The following PSTPIP1 variants were observed in gnomAD, a reference collection of about 807,000 sequenced individuals.
The protein encoded by PSTPIP1 is proline-serine-threonine phosphatase-interacting protein 1.
In PSTPIP1, 66 loss-of-function variants were observed where a neutral mutation model predicts 69.6. The observed-to-expected ratio is 0.95, with a 90% CI of 0.78 to 1.16. The LOEUF (loss-of-function observed/expected upper bound fraction) is 1.16. Among genes scored for constraint, PSTPIP1 ranks in the 50% most tolerant of loss-of-function variants. The pLI, the probability that PSTPIP1 is intolerant of heterozygous loss-of-function variation, is 0.00. For missense variants in PSTPIP1, 603 were observed against 557.4 expected, an observed-to-expected ratio of 1.08 and a Z score of -0.82; for synonymous variants, 266 against 222.7, an observed-to-expected ratio of 1.19 and a Z score of -1.73.
chr15:77,000,978 T>A (rs946235393), intron 1 of PSTPIP1, among the ~76,000 whole-genome samples: 1 of 152,160 alleles, frequency 6.6e-6, no homozygotes. Context: ...CACCCTCCCC[T>A]TTTTTTAGCG....
intron 6 of PSTPIP1, among the ~76,000 whole-genome samples, chr15:77,028,132 G>T (rs2076327521): frequency 6.6e-6 from 1 of 152,162 alleles, no homozygotes; most frequent in Admixed American, 6.5e-5. Context: ...TCCCTTGTGG[G>T]GCTCGTGAAT....
intron 1 of PSTPIP1, among the ~76,000 whole-genome samples, chr15:77,012,223 GTCCA>G (rs1481402301): frequency 8.8e-6 from 1 of 113,142 alleles, no homozygotes; most frequent in Non-Finnish European, 1.7e-5. Flanking sequence ...CCACCCATCT[GTCCA>G]TCCATCCATC....
intron 1 of PSTPIP1, among the ~76,000 whole-genome samples, chr15:77,015,099 G>A (rs1455731188): frequency 6.6e-6 from 1 of 152,196 alleles, no homozygotes; most frequent in African/African-American, 2.4e-5. Flanking sequence ...TGGGCCCCAG[G>A]CTAGCCTCTG....
intron 14 of PSTPIP1, 150 bp downstream of exon 14, chr15:77,036,085 AGT>A (rs2076565173): frequency 1.8e-6 from 2 of 1,112,686 alleles, no homozygotes; most frequent in Admixed American, 2.9e-5. Flanking sequence ...CGTGTGCCCG[AGT>A]GTGTCCACAC....
chr15:77,036,725 G>A (rs1432841474), intron 14 of PSTPIP1, among the ~76,000 whole-genome samples: 2 of 152,112 alleles, frequency 1.3e-5, no homozygotes, highest in African/African-American at 4.8e-5. Flanking sequence ...GGTAAGCTTA[G>A]GCATGAGTGT....
chr15:77,028,623 G>T lies in PSTPIP1; in HGVS notation c.487G>T (p.Ala163Ser). Residue 163 changes from alanine to serine, a missense_variant, in exon 7 of 15, where the codon GCC becomes TCC. Transcript: ENST00000558012. ...DAEQAFERIS[A>S]NGHQKQVEKS... is the part of the protein sequence containing the mutation. ...GGAGCAGGCCTTCGAGCGCATTAGC[G>T]CCAACGGCCACCAGAAGCAGGTGGA... The T allele has an allele frequency of 1.3e-6, 2 of 1,586,974 alleles. No individual in the cohort carries two copies. Among genetic ancestry groups the T allele is most frequent in the Non-Finnish European group, 1.7e-6 (2 of 1,167,984 alleles).
intron 10 of PSTPIP1, 56 bp downstream of exon 10, chr15:77,031,334 G>A: frequency 6.4e-7 from 1 of 1,556,514 alleles, no homozygotes; most frequent in Non-Finnish European, 8.8e-7. Context: ...AGGCAGCAAA[G>A]CACCCAGGTC....
chr15:77,012,210 C>T (rs561673184), intron 1 of PSTPIP1, among the ~76,000 whole-genome samples: 6 of 144,884 alleles, frequency 4.1e-5, no homozygotes, highest in Admixed American at 2.8e-4. Context: ...TCCATCCATC[C>T]GTCCACCCAT....
chr15:77,025,144 G>T (rs570320785), intron 3 of PSTPIP1, 140 bp from the exon 4 acceptor site: 2 of 904,344 alleles, frequency 2.2e-6, no homozygotes, highest in African/African-American at 1.7e-5. Flanking sequence ...TGGCTAAAGG[G>T]TCCCTTGGTT....
chr15:77,013,339 C>A (rs374319691), intron 1 of PSTPIP1, among the ~76,000 whole-genome samples: 1 of 152,206 alleles, frequency 6.6e-6, no homozygotes, highest in Non-Finnish European at 1.5e-5. Context: ...GAAAAGAGAA[C>A]AGGGTCAGTT....
rs71931532 is a variant in PSTPIP1 at position 77,000,454 on chromosome 15, AAG to A, written c.36+4851_36+4852del. Among the ~76,000 whole-genome samples, 870 of 87,240 alleles carry A rather than the reference AAG, an allele frequency of 1.0e-2. 12 individuals are homozygous for A. The highest frequency in any genetic ancestry group is 0.027 in the East Asian group (60 of 2,212). The allele number at this position is 87,240 out of a possible 152,430, so 57.2% of individuals were successfully genotyped here. On this transcript the variant is annotated intron_variant, in intron 1 of 14. Transcript: ENST00000558012. ...GCACCTGTTCCATCCTGGGCATTTA[AAG>A]AGAGATATATATATATATATACACA...
intron 1 of PSTPIP1, among the ~76,000 whole-genome samples, chr15:77,016,814 AG>A (rs2076060875): frequency 6.6e-6 from 1 of 152,188 alleles, no homozygotes; most frequent in African/African-American, 2.4e-5. Flanking sequence ...CTTCCTGCAG[AG>A]AGCTCTCCTG....
chr15:77,024,295 C>G (rs1441551640), intron 3 of PSTPIP1: 6 of 152,362 alleles, frequency 3.9e-5, no homozygotes, highest in African/African-American at 1.4e-4. Context: ...CTGGCCCCCA[C>G]CGATCTCCCC....
chr15:77,037,197 CG>C lies in PSTPIP1; in HGVS notation c.*23del, dbSNP rs2076602536. On this transcript the variant is annotated 3_prime_UTR_variant, in exon 15 of 15. Coordinates refer to ENST00000558012, the MANE Select transcript of PSTPIP1 (RefSeq NM_003978.5). ...TTTGAGGAAGGGCCAGGAGCCCCTTCGGACCTGCCCTGCCAGTGGAGCCAGC... is the reference window on the plus strand; with the variant it reads ...TTTGAGGAAGGGCCAGGAGCCCCTTCGACCTGCCCTGCCAGTGGAGCCAGC... 6.4e-7 allele frequency: 1 copy of C among 1,573,786 alleles called. No homozygotes were observed. Among genetic ancestry groups the C allele is most frequent in the Admixed American group, 1.9e-5 (1 of 53,076 alleles).
At chr15:77,010,170 TC>T (rs2075904588) in intron 1 of PSTPIP1, among the ~76,000 whole-genome samples, 1 of 152,166 alleles carries the variant, frequency 6.6e-6, no homozygotes, top group Admixed American at 6.5e-5. Flanking sequence ...CACTGCTGGA[TC>T]CTAGTGAGCC....
At chr15:77,036,414 TGA>T (rs2076574860) in intron 14 of PSTPIP1, among the ~76,000 whole-genome samples, 1 of 152,114 alleles carries the variant, frequency 6.6e-6, no homozygotes, top group Non-Finnish European at 1.5e-5. Context: ...GTGGCCAGAA[TGA>T]GTCTTGCTAT....
rs2076604884 is a variant in PSTPIP1 at position 77,037,273 on chromosome 15, C to T, written c.*97C>T. 6.9e-7 allele frequency: 1 copy of T among 1,459,278 alleles called. No individual in the cohort carries two copies. Among genetic ancestry groups the T allele is most frequent in the Non-Finnish European group, 9.2e-7 (1 of 1,088,710 alleles). The allele number at this position is 1,459,278 out of a possible 1,614,324, so 90.4% of individuals were successfully genotyped here. On this transcript the variant is annotated 3_prime_UTR_variant, in exon 15 of 15. Coordinates refer to ENST00000558012, the MANE Select transcript of PSTPIP1 (RefSeq NM_003978.5). ...TTGCTAGGGCCCAGAACCAAGCGTC[C>T]CCCAGCCCCGAGAGGGAGCCTGTCG...
rs377006780 is a variant in PSTPIP1 at position 77,037,105 on chromosome 15, G to A, written c.1180G>A (p.Asp394Asn). ...DILEVILEGE[D>N]GWWTVERNGQ... The stretch of plus-strand genomic sequence containing the variant: ...CCTGGAGGTGATCCTGGAAGGGGAG[G>A]ATGGCTGGTGGACTGTGGAGAGGAA... The change falls in exon 15 of 15, where the codon GAT becomes AAT. Residue 394 changes from aspartate to asparagine, a missense_variant. Transcript: ENST00000558012. 23 of 1,612,326 alleles carry A rather than the reference G, an allele frequency of 1.4e-5. No homozygotes were observed. Among genetic ancestry groups the A allele is most frequent in the Non-Finnish European group, 1.9e-5 (22 of 1,179,724 alleles).
At chr15:77,019,031 T>C (rs570341727) in intron 3 of PSTPIP1, among the ~76,000 whole-genome samples, 54 of 152,252 alleles carry the variant, frequency 3.5e-4, no homozygotes, top group African/African-American at 1.3e-3. Context: ...TCATCAGTGA[T>C]GGGAAAGTAA....
Sources: allele counts gnomAD v4.1 joint callset (sites outside exome capture counted in the v4.1 genomes callset), GRCh38; gene constraint gnomAD v4.1.1; transcripts MANE v1.5; gene names NCBI Gene and HGNC (gene_info 2026-07-23, HGNC 2026-07-21).